KIDINS220: variants seen among roughly 807,000 people sequenced by gnomAD.
The protein encoded by KIDINS220 is kinase D-interacting substrate of 220 kDa.
In KIDINS220, 63 loss-of-function variants were observed where a neutral mutation model predicts 157.6. The observed-to-expected ratio is 0.40, with a 90% CI of 0.33 to 0.49. The LOEUF is 0.49. Among genes scored for constraint, KIDINS220 ranks in the 20% least tolerant of loss-of-function variants. The pLI is 0.66. For synonymous variants in KIDINS220, 732 were observed against 783.6 expected, an observed-to-expected ratio of 0.93 and a Z score of 1.10; for missense variants, 1,772 against 2,171.2, an observed-to-expected ratio of 0.82 and a Z score of 3.65.
intron 22 of KIDINS220, among the ~76,000 whole-genome samples, chr2:8,765,094 G>A (rs2148130788): frequency 6.6e-6 from 1 of 152,236 alleles, no homozygotes. Flanking sequence ...GAGGTGGGAT[G>A]GGCCAAAGAG....
Position 8,734,642 on chromosome 2 carries a change from A to T in KIDINS220, c.3816+13T>A. The T allele has an allele frequency of 6.6e-7, 1 of 1,518,750 alleles. No individual in the cohort carries two copies. Among genetic ancestry groups the T allele is most frequent in the South Asian group, 1.2e-5 (1 of 86,918 alleles). The allele number at this position is 1,518,750 out of a possible 1,614,324, so 94.1% of individuals were successfully genotyped here. A position where few individuals can be genotyped will look rare whatever the true frequency, so the allele number is the denominator to read the frequency against. On this transcript the variant is annotated intron_variant, in intron 28 of 29. Transcript: ENST00000256707. ...ATAATGTTGTAAACATCACAATGTT[A>T]CAAATATCTTACTGTGCTTCTGAAA...
At chr2:8,790,113 C>T in intron 13 of KIDINS220, 54 bp from the exon 14 acceptor site, 1 of 1,495,774 alleles carries the variant, frequency 6.7e-7, no homozygotes, top group Non-Finnish European at 9.0e-7. Context: ...AGAAATACAA[C>T]TTTTAACTCA....
chr2:8,819,542 G>A (rs116564192), intron 2 of KIDINS220, among the ~76,000 whole-genome samples: 1,675 of 152,320 alleles, frequency 0.011, 12 homozygotes, highest in Non-Finnish European at 0.017. Flanking sequence ...TACCAGGTTA[G>A]GCCGAGCGCA....
At chr2:8,751,714 T>G in intron 22 of KIDINS220, 70 bp from the exon 23 acceptor site, 1 of 1,051,812 alleles carries the variant, frequency 9.5e-7, no homozygotes, top group Non-Finnish European at 1.4e-6. Context: ...GCATGTCACC[T>G]GAAGTTACTT....
intron 19 of KIDINS220, 67 bp downstream of exon 19, chr2:8,778,829 G>A: frequency 6.3e-7 from 1 of 1,599,442 alleles, no homozygotes; most frequent in Non-Finnish European, 8.6e-7. Context: ...AGGTAAAAAG[G>A]AGAGTCGCCA....
In KIDINS220 at chr2:8,748,465, A is replaced by G. The variant is rs535112917; in HGVS notation, c.3415-465T>C. On this transcript the variant is annotated intron_variant, in intron 24 of 29. Coordinates refer to ENST00000256707, the MANE Select transcript of KIDINS220 (RefSeq NM_020738.4). Reference sequence around the variant, plus strand: ...ACACCCTGGCACAAATTCCAAGAATAATGTTATTACAAGTTCCTGGAGTTC... The same window carrying G: ...ACACCCTGGCACAAATTCCAAGAATGATGTTATTACAAGTTCCTGGAGTTC... Among the ~76,000 whole-genome samples, 4 of 152,342 alleles carry G rather than the reference A, an allele frequency of 2.6e-5. No individual in the cohort carries two copies. In the East Asian group the frequency reaches 7.7e-4, roughly 29 times the overall value.
chr2:8,743,329 G>A (rs538168407), intron 26 of KIDINS220, among the ~76,000 whole-genome samples: 1 of 152,248 alleles, frequency 6.6e-6, no homozygotes, highest in East Asian at 1.9e-4. Flanking sequence ...CCATGACTGA[G>A]ACAAAGATGA....
chr2:8,751,604 G>T lies in KIDINS220; in HGVS notation c.3052C>A (p.Leu1018Ile). The change falls in exon 23 of 30, where the codon CTT (leucine) becomes ATT (isoleucine). Residue 1018 changes from leucine to isoleucine, a missense_variant. Leu to Ile is a conservative substitution (Grantham distance 5). Around this residue, in one of 3 missense-constraint regions of KIDINS220, gnomAD observed 725 missense variants for 1,017.1 expected, o/e 0.71. Transcript: ENST00000256707. ...NIPTTKDVEP[L>I]LEIDGDIRNF... ...CTTATATCTCCATCAATTTCAAGAA[G>T]TGGCTCAACATCCTTAGTTGTTGGA... is the stretch of plus-strand genomic sequence containing the variant. 3 of 1,609,168 alleles carry T rather than the reference G, an allele frequency of 1.9e-6. No individual in the cohort carries two copies. Among genetic ancestry groups the T allele is most frequent in the Non-Finnish European group, 2.5e-6 (3 of 1,177,056 alleles).
At chr2:8,761,995 T>A (rs1187267010) in intron 22 of KIDINS220, among the ~76,000 whole-genome samples, 2 of 152,202 alleles carry the variant, frequency 1.3e-5, no homozygotes, top group Non-Finnish European at 2.9e-5. Flanking sequence ...TCAAGGCATA[T>A]GTAATTTTTT....
chr2:8,828,852 C>G (rs1184582998), intron 1 of KIDINS220, among the ~76,000 whole-genome samples: 2 of 152,184 alleles, frequency 1.3e-5, no homozygotes, highest in African/African-American at 4.8e-5. Flanking sequence ...TAAGTTGGAG[C>G]AGATAACTTG....
chr2:8,782,031 T>G (rs1295432494), intron 17 of KIDINS220, among the ~76,000 whole-genome samples: 1 of 152,092 alleles, frequency 6.6e-6, no homozygotes, highest in Non-Finnish European at 1.5e-5. Context: ...GGAGGATCCC[T>G]TGAGCCCAGG....
chr2:8,757,042 T>C (rs1468679238), intron 22 of KIDINS220, among the ~76,000 whole-genome samples: 2 of 152,110 alleles, frequency 1.3e-5, no homozygotes, highest in African/African-American at 4.8e-5. Flanking sequence ...AAGTGATCAA[T>C]TAAGAAAATG....
At chr2:8,779,282 A>G in intron 18 of KIDINS220, 143 bp from the exon 19 acceptor site, 1 of 1,075,756 alleles carries the variant, frequency 9.3e-7, no homozygotes, top group Non-Finnish European at 1.3e-6. Flanking sequence ...TCTGCACAAA[A>G]GCAAATTTTA....
intron 8 of KIDINS220, among the ~76,000 whole-genome samples, chr2:8,801,665 G>A (rs1674721782): frequency 6.6e-6 from 1 of 152,212 alleles, no homozygotes; most frequent in Admixed American, 6.5e-5. Flanking sequence ...ACCACTTTAA[G>A]AGGCCAAGGC....
At position 8,732,020 on chromosome 2, in the gene KIDINS220, TAAG is replaced by T. The variant is rs534465218; in HGVS notation, c.4054-41_4054-39del. Reference sequence around the variant, plus strand: ...AAAAAAAATAATTTAAAAATTCAAATAAGAAGAAAAAAGGCATAAACATCAGCT... The same window carrying T: ...AAAAAAAATAATTTAAAAATTCAAATAAGAAAAAAGGCATAAACATCAGCT... On this transcript the variant is annotated intron_variant, in intron 29 of 29. Coordinates refer to ENST00000256707, the MANE Select transcript of KIDINS220 (RefSeq NM_020738.4). 9,112 of 1,505,936 alleles carry T rather than the reference TAAG, an allele frequency of 6.1e-3. 35 individuals carry two copies. The highest frequency in any genetic ancestry group is 7.4e-3 in the Non-Finnish European group (8,382 of 1,132,406). 93.3% of individuals were successfully genotyped at this position (1,505,936 alleles called of 1,614,324 possible).
At chr2:8,762,620 TCCCAGTTACTCAGGAGGCTG>T (rs1668906696) in intron 22 of KIDINS220, among the ~76,000 whole-genome samples, 1 of 151,814 alleles carries the variant, frequency 6.6e-6, no homozygotes, top group Admixed American at 6.6e-5. Flanking sequence ...GCGCCTGTAG[TCCCAGTTACTCAGGAGGCTG>T]AGGCAGGAGA....
At chr2:8,830,033 A>G (rs1432559829) in intron 1 of KIDINS220, among the ~76,000 whole-genome samples, 3 of 151,872 alleles carry the variant, frequency 2.0e-5, no homozygotes, top group African/African-American at 7.3e-5. Flanking sequence ...TTCCATGTAG[A>G]ACACCATCCT....
At chr2:8,829,411 T>C (rs1440669004) in intron 1 of KIDINS220, among the ~76,000 whole-genome samples, 3 of 152,188 alleles carry the variant, frequency 2.0e-5, no homozygotes, top group African/African-American at 7.2e-5. Context: ...AAAAATGATG[T>C]TATTTGATCC....
rs575111913 is a variant in KIDINS220 at position 8,828,269 on chromosome 2, G to A, written c.-36-1140C>T. 2.0e-5 allele frequency among the ~76,000 whole-genome samples: 3 copies of A among 152,176 alleles called. No individual in the cohort carries two copies. In the South Asian group the frequency reaches 6.2e-4, roughly 32 times the overall value. ...ATTCTCTTCCACAGGACATGCACAC[G>A]GCTTACCCCCTGACCCCGTCAGGTC... On this transcript the variant is annotated intron_variant, in intron 1 of 29. Transcript: ENST00000256707.
Sources: allele counts gnomAD v4.1 joint callset (sites outside exome capture counted in the v4.1 genomes callset), GRCh38; gene constraint gnomAD v4.1.1; regional missense constraint gnomAD v4.1.1; transcripts MANE v1.5; gene names NCBI Gene and HGNC (gene_info 2026-07-23, HGNC 2026-07-21).